The following ADGRB1 variants were observed in gnomAD, a reference collection of about 807,000 sequenced individuals.
The protein encoded by ADGRB1 is adhesion G protein-coupled receptor B1.
ADGRB1 carries 36 observed loss-of-function variants against 175.7 expected under a neutral mutation model. That is an observed-to-expected ratio of 0.20 (90% CI 0.16 to 0.27). The LOEUF is 0.27. Among genes scored for constraint, ADGRB1 ranks in the 10% least tolerant of loss-of-function variants. The probability of loss-of-function intolerance (pLI) is 1.00; values close to 1 mark genes in which losing one functional copy is unlikely to be tolerated. For missense variants in ADGRB1, 1,731 were observed against 2,255.3 expected (o/e 0.77, Z 4.71); for synonymous variants, 1,054 against 979.4 (o/e 1.08, Z -1.42).
chr8:142,450,654 A>G (rs1455410836), intron 1 of ADGRB1, among the ~76,000 whole-genome samples: 1 of 150,984 alleles, frequency 6.6e-6, no homozygotes, highest in Non-Finnish European at 1.5e-5. Context: ...CCCCCCACGC[A>G]CAGAGCTCGG....
chr8:142,543,583 C>T lies in ADGRB1; in HGVS notation c.4450-18C>T. 6.4e-7 allele frequency: 1 copy of T among 1,569,550 alleles called. No homozygotes were observed. The highest frequency in any genetic ancestry group is 8.6e-7 in the Non-Finnish European group (1 of 1,157,212). ...CCTCCTCCTGGCCCAGGACTCACTG[C>T]CCAGACCCCGCCTGCAGAAGATCAT... is the stretch of plus-strand genomic sequence containing the variant. On this transcript the variant is annotated intron_variant, in intron 29 of 30. Transcript: ENST00000517894. The surrounding 1 kb of genome is among the most constrained non-coding windows in gnomAD (Gnocchi z 4.4).
intron 11 of ADGRB1, among the ~76,000 whole-genome samples, chr8:142,482,047 G>GCCCTGACCCTGGTCACATGCTGAA (rs1841369689): frequency 1.4e-5 from 2 of 143,278 alleles, no homozygotes; most frequent in South Asian, 2.3e-4. Context: ...CATAGGCTGA[G>GCCCTGACCCTGGTCACATGCTGAA]CCCTGACCCT....
chr8:142,464,573 G>A lies in ADGRB1; in HGVS notation c.375G>A (p.Arg125=), dbSNP rs1252782938. The A allele has an allele frequency of 6.5e-7, 1 of 1,541,174 alleles. No homozygotes were observed. The highest frequency in any genetic ancestry group is 1.2e-5 in the South Asian group (1 of 83,582). The part of the protein sequence containing the change: ...LGVESFDEVL[R]LCDPSAPLAF... ...TGGAGAGCTTCGACGAGGTGCTGCGGCTCTGCGACCCCTCCGCACCCCTGG... is the reference window on the plus strand; with the variant it reads ...TGGAGAGCTTCGACGAGGTGCTGCGACTCTGCGACCCCTCCGCACCCCTGG... Residue 125 remains arginine (R), a synonymous_variant, in exon 2 of 31, where the codon CGG becomes CGA. Transcript: ENST00000517894.
chr8:142,484,626 C>A, intron 12 of ADGRB1, 30 bp from the exon 13 acceptor site: 4 of 1,585,430 alleles, frequency 2.5e-6, no homozygotes, highest in Non-Finnish European at 3.4e-6. Context: ...GGGGCCTCCT[C>A]CCTCGGCTGC....
intron 1 of ADGRB1, among the ~76,000 whole-genome samples, chr8:142,452,698 C>G (rs1203615274): frequency 2.6e-5 from 4 of 152,096 alleles, no homozygotes; most frequent in Admixed American, 2.6e-4. Context: ...CGGGGCCTGG[C>G]ATGAAGGGCC....
Position 142,475,544 on chromosome 8 carries a change from G to A in ADGRB1, c.855G>A (p.Thr285=), listed in dbSNP as rs375202811. The change falls in exon 3 of 31, where the codon ACG becomes ACA. Residue 285 remains threonine (T), a synonymous_variant. Coordinates refer to ENST00000517894, the MANE Select transcript of ADGRB1 (RefSeq NM_001702.3). The part of the protein sequence containing the change: ...RDCGGGLQTR[T]RTCLPAPGVE... Reference sequence around the variant, plus strand: ...GCGGGGGAGGCCTCCAGACGCGGACGCGCACCTGCCTGCCCGCGCCGGGCG... The same window carrying A: ...GCGGGGGAGGCCTCCAGACGCGGACACGCACCTGCCTGCCCGCGCCGGGCG... The A allele has an allele frequency of 1.9e-5, 25 of 1,286,896 alleles. No homozygotes were observed. The highest frequency in any genetic ancestry group is 2.5e-5 in the Non-Finnish European group (25 of 1,017,012). 79.7% of individuals were successfully genotyped at this position (1,286,896 alleles called of 1,614,324 possible).
intron 17 of ADGRB1, among the ~76,000 whole-genome samples, chr8:142,509,362 C>T (rs1226197800): frequency 6.6e-6 from 1 of 152,196 alleles, no homozygotes; most frequent in Non-Finnish European, 1.5e-5. Flanking sequence ...TTCCCAAGGT[C>T]ACATAGCTAG....
intron 1 of ADGRB1, among the ~76,000 whole-genome samples, chr8:142,462,790 G>A (rs1840038438): frequency 6.6e-6 from 1 of 152,252 alleles, no homozygotes; most frequent in African/African-American, 2.4e-5. Context: ...CAACTGCTGG[G>A]TGGGATGGAC....
intron 3 of ADGRB1, 31 bp from the exon 4 acceptor site, chr8:142,476,554 G>A (rs1442793873): frequency 6.5e-6 from 10 of 1,538,252 alleles, no homozygotes. Context: ...GCAAAGAACC[G>A]CTCCTGTGCT....
intron 1 of ADGRB1, among the ~76,000 whole-genome samples, chr8:142,461,427 C>T (rs1313343025): frequency 6.6e-6 from 1 of 152,232 alleles, no homozygotes; most frequent in South Asian, 2.1e-4. Context: ...ACAGTCCACA[C>T]GGCGTTGCGG....
chr8:142,469,477 G>T (rs1400218600), intron 2 of ADGRB1, among the ~76,000 whole-genome samples: 1 of 148,698 alleles, frequency 6.7e-6, no homozygotes, highest in Non-Finnish European at 1.5e-5. Context: ...ACGTGCATGT[G>T]TGAGTGTGTA....
intron 2 of ADGRB1, among the ~76,000 whole-genome samples, chr8:142,469,481 G>A (rs910458315): frequency 5.4e-5 from 8 of 148,162 alleles, no homozygotes; most frequent in Non-Finnish European, 9.0e-5. Flanking sequence ...GCATGTGTGA[G>A]TGTGTATGCA....
chr8:142,469,171 GCA>G (rs1344042231), intron 2 of ADGRB1, among the ~76,000 whole-genome samples: 11 of 147,410 alleles, frequency 7.5e-5, no homozygotes, highest in East Asian at 2.1e-4. Flanking sequence ...GTGTGTGTGT[GCA>G]TGTGTGTGAA....
Position 142,478,379 on chromosome 8 carries a change from TGGGGTC to T in ADGRB1, c.1561+24_1561+29del, listed in dbSNP as rs1841115094. 3 of 1,577,632 alleles carry T rather than the reference TGGGGTC, an allele frequency of 1.9e-6. No individual in the cohort carries two copies. In the African/African-American group the frequency reaches 4.0e-5, roughly 21 times the overall value. ...TGCCCAGGTCAGGGGTGCGCCAGGC[TGGGGTC>T]GGGGGGCACCTAACAAGCAGGAGCC... is the stretch of plus-strand genomic sequence containing the variant. On this transcript the variant is annotated intron_variant, in intron 7 of 30. Coordinates refer to ENST00000517894, the MANE Select transcript of ADGRB1 (RefSeq NM_001702.3).
intron 17 of ADGRB1, among the ~76,000 whole-genome samples, chr8:142,505,533 G>C (rs1381764063): frequency 6.6e-6 from 1 of 152,216 alleles, no homozygotes; most frequent in East Asian, 1.9e-4. Flanking sequence ...ACTGGGTTGG[G>C]AGCTGTCTGG....
Position 142,538,780 on chromosome 8 carries a change from T to TC in ADGRB1, c.3667-586dup, listed in dbSNP as rs562533094. On this transcript the variant is annotated intron_variant, in intron 26 of 30. Coordinates refer to ENST00000517894, the MANE Select transcript of ADGRB1 (RefSeq NM_001702.3). ...TTGGCCCTGAATTGCATGTTCAACA[T>TC]CCCCCCCCACCACCTCTCCCTCCCC... 2.4e-4 allele frequency among the ~76,000 whole-genome samples: 37 copies of TC among 151,484 alleles called. No individual in the cohort carries two copies. The South Asian group carries it at 5.0e-3, about 21-fold the overall frequency.
rs771453660 is a variant in ADGRB1 at position 142,490,855 on chromosome 8, TG to T, written c.2675+44del. On this transcript the variant is annotated intron_variant, in intron 17 of 30. Coordinates refer to ENST00000517894, the MANE Select transcript of ADGRB1 (RefSeq NM_001702.3). ...ATTTCATGGCCGTGGGGGTCTGGGG[TG>T]GGGTTCGTGGGAGGCTGGCCCAGTA... is the stretch of plus-strand genomic sequence containing the variant. 6.1e-5 allele frequency: 95 copies of T among 1,554,774 alleles called. 3 individuals carry two copies. The South Asian group carries it at 1.0e-3, about 17-fold the overall frequency.
intron 6 of ADGRB1, 124 bp from the exon 7 acceptor site, chr8:142,478,063 G>A (rs1841086754): frequency 7.6e-7 from 1 of 1,318,680 alleles, no homozygotes; most frequent in South Asian, 1.4e-5. Context: ...CCCCCAGGGT[G>A]TTCTCATCTA....
Position 142,488,468 on chromosome 8 carries a change from G to A in ADGRB1, c.2413G>A (p.Val805Ile), listed in dbSNP as rs764044647. ...CTGGGCCAAGGTGCCAGAGGACAGG[G>A]TCACTGTGTCCAAGAGTGTCTTCTC... ...GDWAKVPEDR[V>I]TVSKSVFSTG... is the part of the protein sequence containing the mutation. The change falls in exon 14 of 31, where the codon GTC (valine) becomes ATC (isoleucine). Residue 805 changes from valine to isoleucine, a missense_variant. This residue lies in a region of ADGRB1 where 388 missense variants were observed against 630.9 expected (regional missense o/e 0.61). Transcript: ENST00000517894. The A allele has an allele frequency of 1.2e-6, 2 of 1,613,060 alleles. No individual in the cohort carries two copies. The highest frequency in any genetic ancestry group is 8.5e-7 in the Non-Finnish European group (1 of 1,179,826).
Sources: allele counts gnomAD v4.1 joint callset (sites outside exome capture counted in the v4.1 genomes callset), GRCh38; gene constraint gnomAD v4.1.1; regional missense constraint gnomAD v4.1.1; non-coding constraint Gnocchi (gnomAD v3.1); transcripts MANE v1.5; gene names NCBI Gene and HGNC (gene_info 2026-07-23, HGNC 2026-07-21).